Variants in STPG1 observed in about 807,000 individuals in gnomAD.
STPG1 encodes O(6)-methylguanine-induced apoptosis 2.
A neutral mutation model predicts 40.1 loss-of-function variants in STPG1; 33 were observed. The observed-to-expected ratio is 0.82, with a 90% CI of 0.62 to 1.10. STPG1 has a LOEUF of 1.10. STPG1 is among the 50% of genes least tolerant of loss of function. The pLI is 0.00. For missense variants in STPG1, 396 were observed against 415.1 expected (o/e 0.95, Z 0.40); for synonymous variants, 150 against 155.0 (o/e 0.97, Z 0.24).
chr1:24,394,814 G>A (rs999593311), intron 2 of STPG1, among the ~76,000 whole-genome samples: 2 of 152,062 alleles, frequency 1.3e-5, no homozygotes, highest in Non-Finnish European at 2.9e-5. Flanking sequence ...AAGGATTAGT[G>A]AGCTGTGTGG....
At position 24,384,031 on chromosome 1, in the gene STPG1, C is replaced by A. The variant is rs56131646; in HGVS notation, c.190-28G>T. ...GAAAGGGAAGAGAAGGTGGTGTCAT[C>A]GAGATACTTCAATTCCATTGTGCTT... On this transcript the variant is annotated intron_variant, in intron 3 of 8. Coordinates refer to ENST00000337248, the MANE Select transcript of STPG1 (RefSeq NM_001199013.2). The A allele has an allele frequency of 2.9e-6, 4 of 1,356,674 alleles. No individual in the cohort carries two copies. The East Asian group carries it at 9.2e-5, about 31-fold the overall frequency. The allele number at this position is 1,356,674 out of a possible 1,614,324, so 84.0% of individuals were successfully genotyped here.
chr1:24,393,657 A>G (rs1195576667), intron 2 of STPG1, among the ~76,000 whole-genome samples: 2 of 152,220 alleles, frequency 1.3e-5, no homozygotes, highest in Non-Finnish European at 2.9e-5. Context: ...AACAATTTAA[A>G]AAGTAGAATT....
chr1:24,364,862 G>A (rs150335223), intron 7 of STPG1, among the ~76,000 whole-genome samples: 38 of 152,314 alleles, frequency 2.5e-4, no homozygotes, highest in African/African-American at 9.1e-4. Context: ...ACTGGATTAA[G>A]TGTGTTTGCA....
At chr1:24,379,271 A>G (rs1443987640) in intron 5 of STPG1, 1 of 194,368 alleles carries the variant, frequency 5.1e-6, no homozygotes, top group African/African-American at 2.4e-5. Context: ...TCTGATATGA[A>G]AGTTTATTTT....
At chr1:24,388,366 C>T (rs1570056322) in intron 3 of STPG1, among the ~76,000 whole-genome samples, 3 of 152,304 alleles carry the variant, frequency 2.0e-5, no homozygotes, top group Middle Eastern at 3.4e-3. Context: ...TCTTCACCTA[C>T]GCAAAGTTAC....
At chr1:24,391,540 C>A in intron 3 of STPG1, 21 bp downstream of exon 3, 1 of 1,411,722 alleles carries the variant, frequency 7.1e-7, no homozygotes, top group Non-Finnish European at 9.8e-7. Context: ...AACGAAAGAA[C>A]CCCTGAGACA....
intron 1 of STPG1, among the ~76,000 whole-genome samples, chr1:24,406,098 T>C (rs11249101): frequency 6.6e-6 from 1 of 151,964 alleles, no homozygotes; most frequent in Admixed American, 6.6e-5. Flanking sequence ...GGCTTAAACC[T>C]ATCAATTTCC....
At chr1:24,386,624 G>C (rs1642516818) in intron 3 of STPG1, among the ~76,000 whole-genome samples, 1 of 152,226 alleles carries the variant, frequency 6.6e-6, no homozygotes, top group South Asian at 2.1e-4. Flanking sequence ...CTCTGGGAGG[G>C]AAATGTCAAG....
chr1:24,379,921 G>A (rs1403203777), intron 4 of STPG1, 98 bp from the exon 5 acceptor site: 15 of 1,203,232 alleles, frequency 1.2e-5, no homozygotes, highest in African/African-American at 6.4e-5. Flanking sequence ...AGGTCTAAAT[G>A]CATTTTATAA....
intron 5 of STPG1, chr1:24,379,198 C>T (rs10489438): frequency 0.094 from 15,764 of 167,274 alleles, 832 homozygotes; most frequent in Non-Finnish European, 0.13. Flanking sequence ...TGCCATTCTG[C>T]GTCAGTGAAT....
At chr1:24,402,905 T>C (rs960042651) in intron 1 of STPG1, among the ~76,000 whole-genome samples, 5 of 152,204 alleles carry the variant, frequency 3.3e-5, no homozygotes, top group Non-Finnish European at 4.4e-5. Flanking sequence ...GGCTGAGGTT[T>C]GCCTTTTTAT....
intron 8 of STPG1, among the ~76,000 whole-genome samples, chr1:24,360,445 C>A (rs968528550): frequency 2.8e-4 from 42 of 151,834 alleles, no homozygotes; most frequent in African/African-American, 9.2e-4. Context: ...GACTCCGTCT[C>A]AAAAAAATAA....
At chr1:24,389,038 T>G (rs900961171) in intron 3 of STPG1, among the ~76,000 whole-genome samples, 1 of 152,150 alleles carries the variant, frequency 6.6e-6, no homozygotes, top group African/African-American at 2.4e-5. Context: ...TGCTTACAAA[T>G]GCTGAGATGA....
At chr1:24,409,825 C>T (rs1276339590) in intron 1 of STPG1, among the ~76,000 whole-genome samples, 2 of 152,184 alleles carry the variant, frequency 1.3e-5, no homozygotes, top group Admixed American at 6.5e-5. Flanking sequence ...GTAACTCTTA[C>T]TTTACTTAAT....
At chr1:24,402,375 A>G (rs1012913573) in intron 1 of STPG1, among the ~76,000 whole-genome samples, 2 of 152,182 alleles carry the variant, frequency 1.3e-5, no homozygotes, top group African/African-American at 4.8e-5. Flanking sequence ...TAGTGATTTT[A>G]TAGTGGTATC....
intron 7 of STPG1, among the ~76,000 whole-genome samples, chr1:24,367,343 C>G (rs1009527457): frequency 6.6e-6 from 1 of 152,156 alleles, no homozygotes; most frequent in African/African-American, 2.4e-5. Context: ...CCAGATAAAG[C>G]AGTTAAAAAT....
intron 6 of STPG1, among the ~76,000 whole-genome samples, chr1:24,370,499 AT>A (rs201045265): frequency 0.022 from 3,258 of 148,946 alleles, 62 homozygotes; most frequent in Non-Finnish European, 0.035. Flanking sequence ...TAAAAAAAAA[AT>A]TTTTTTTTTG....
chr1:24,405,239 T>C (rs965113611), intron 1 of STPG1, among the ~76,000 whole-genome samples: 1 of 152,222 alleles, frequency 6.6e-6, no homozygotes, highest in Non-Finnish European at 1.5e-5. Context: ...ATTACAGGAG[T>C]GAGCCACCGC....
At chr1:24,392,724 TAA>T (rs1642829979) in intron 2 of STPG1, among the ~76,000 whole-genome samples, 1 of 152,160 alleles carries the variant, frequency 6.6e-6, no homozygotes, top group East Asian at 1.9e-4. Flanking sequence ...TGTGGCACCG[TAA>T]GTCTTGACAT....
Sources: gnomAD v4.1 joint callset for allele counts (sites outside exome capture counted in the v4.1 genomes callset) on GRCh38, gnomAD v4.1.1 for gene constraint, MANE v1.5 for transcripts, NCBI Gene and HGNC (gene_info 2026-07-23, HGNC 2026-07-21) for gene names.